The following TRIT1 variants were observed in gnomAD, a reference collection of about 807,000 sequenced individuals.
The protein encoded by TRIT1 is tRNA isopentenyltransferase 1.
TRIT1 carries 43 observed loss-of-function variants against 51.2 expected under a neutral mutation model. The ratio of observed to expected loss-of-function variants is 0.84; its 90% confidence interval spans 0.66 to 1.08. The LOEUF is 1.08. Ranked by LOEUF, TRIT1 falls within the 50% of genes least tolerant of loss-of-function variation. The probability of loss-of-function intolerance (pLI) is 0.00; values close to 1 mark genes in which losing one functional copy is unlikely to be tolerated. For missense variants in TRIT1, 528 were observed against 578.4 expected (o/e 0.91, Z 0.89); for synonymous variants, 184 against 203.9 (o/e 0.90, Z 0.83).
At chr1:39,847,093 T>TA (rs201289596) in intron 8 of TRIT1, 127 bp downstream of exon 8, 14,663 of 673,562 alleles carry the variant, frequency 0.022, 872 homozygotes, top group East Asian at 0.19. Context: ...GTTATAGAAC[T>TA]TCCCTTAGGT....
At chr1:39,874,671 CT>C (rs1174224675) in intron 1 of TRIT1, among the ~76,000 whole-genome samples, 34 of 144,586 alleles carry the variant, frequency 2.4e-4, no homozygotes, top group Admixed American at 3.4e-4. Flanking sequence ...TTTTTCTTTT[CT>C]TTTTTTTTTT....
At chr1:39,867,545 T>C (rs1385900952) in intron 1 of TRIT1, among the ~76,000 whole-genome samples, 1 of 152,184 alleles carries the variant, frequency 6.6e-6, no homozygotes, top group Non-Finnish European at 1.5e-5. Flanking sequence ...ATTGAAACAT[T>C]TTTACATCTA....
Position 39,847,988 on chromosome 1 carries a change from ATTT to A in TRIT1, c.810_812del (p.Glu270_Asn271delinsAsp), listed in dbSNP as rs1642334340. 1 of 1,613,564 alleles carries A rather than the reference ATTT, an allele frequency of 6.2e-7. No individual in the cohort carries two copies. Among genetic ancestry groups the A allele is most frequent in the Non-Finnish European group, 8.5e-7 (1 of 1,179,612 alleles). ...CAGAATAACAGCCAAATCCTCACCTATTTTCCGAAACATTCTTCTGATTATAGC... is the reference window on the plus strand; with the variant it reads ...CAGAATAACAGCCAAATCCTCACCTATCCGAAACATTCTTCTGATTATAGC... On this transcript the variant is annotated inframe_deletion, in exon 6 of 11. Transcript: ENST00000316891.
intron 1 of TRIT1, among the ~76,000 whole-genome samples, chr1:39,858,538 T>C (rs17570439): frequency 0.18 from 27,908 of 152,140 alleles, 2,715 homozygotes; most frequent in Non-Finnish European, 0.22. Context: ...AAGGGCCACA[T>C]TGAGGGTCAC....
At chr1:39,868,620 G>T (rs918066444) in intron 1 of TRIT1, among the ~76,000 whole-genome samples, 1 of 149,488 alleles carries the variant, frequency 6.7e-6, no homozygotes. Context: ...CTCCAGCCTG[G>T]GCGACAAAAG....
chr1:39,857,375 G>T lies in TRIT1; in HGVS notation c.217C>A (p.Gln73Lys). 6.2e-7 allele frequency: 1 copy of T among 1,614,106 alleles called. No homozygotes were observed. Among genetic ancestry groups the T allele is most frequent in the Non-Finnish European group, 8.5e-7 (1 of 1,179,996 alleles). The part of the protein sequence containing the change: ...LDIITNKVSA[Q>K]EQRICRHHMI... ...TGGTGCCGGCAGATTCTCTGCTCTT[G>T]GGCAGAAACCTTGTTGGTGATGATG... is the stretch of plus-strand genomic sequence containing the variant. The change falls in exon 2 of 11, where the codon CAA (glutamine) becomes AAA (lysine). Residue 73 changes from glutamine (Q) to lysine (K), a missense_variant. By Grantham distance (53) the Gln-to-Lys change is moderately conservative. Transcript: ENST00000316891.
In TRIT1 at chr1:39,862,958, G is replaced by A. The variant is rs185828642; in HGVS notation, c.175-5541C>T. The A allele has an allele frequency of 2.1e-4, 208 of 985,372 alleles. 2 individuals are homozygous for A. Among genetic ancestry groups the A allele is most frequent in the Non-Finnish European group, 1.4e-4 (117 of 829,898 alleles). 61.0% of individuals were successfully genotyped at this position (985,372 alleles called of 1,614,324 possible). ...GATCTGTGTGCATGGAAATGATTTG[G>A]AATGAAATGCTTTTCTCTGCACAAA... On this transcript the variant is annotated intron_variant, in intron 1 of 10. Transcript: ENST00000316891.
chr1:39,875,022 A>C (rs1644004228), intron 1 of TRIT1, among the ~76,000 whole-genome samples: 1 of 152,070 alleles, frequency 6.6e-6, no homozygotes, highest in Non-Finnish European at 1.5e-5. Flanking sequence ...TTTTTTTCAT[A>C]GTGCTTCCAA....
At chr1:39,864,346 A>T (rs1469785364) in intron 1 of TRIT1, among the ~76,000 whole-genome samples, 1 of 151,840 alleles carries the variant, frequency 6.6e-6, no homozygotes, top group Non-Finnish European at 1.5e-5. Context: ...GCGGTGGCTC[A>T]TACCTGTAAT....
At chr1:39,873,581 C>T (rs893932384) in intron 1 of TRIT1, among the ~76,000 whole-genome samples, 1 of 152,136 alleles carries the variant, frequency 6.6e-6, no homozygotes, top group African/African-American at 2.4e-5. Flanking sequence ...AAATCCAAGA[C>T]TATAATTTAG....
chr1:39,845,404 A>C (rs1642168058), intron 8 of TRIT1, among the ~76,000 whole-genome samples: 1 of 152,228 alleles, frequency 6.6e-6, no homozygotes, highest in Non-Finnish European at 1.5e-5. Flanking sequence ...GCCTTCCACA[A>C]CTAGGTTAAG....
chr1:39,862,980 C>T (rs552948051), intron 1 of TRIT1: 44 of 984,428 alleles, frequency 4.5e-5, no homozygotes, highest in Non-Finnish European at 4.6e-5. Flanking sequence ...TTTCTCTGCA[C>T]AAACCATATT....
chr1:39,863,967 C>A (rs1447712118), intron 1 of TRIT1, among the ~76,000 whole-genome samples: 1 of 152,044 alleles, frequency 6.6e-6, no homozygotes, highest in Non-Finnish European at 1.5e-5. Flanking sequence ...TCTCAGCTCA[C>A]GGCAACCTCC....
chr1:39,883,325 G>T lies in TRIT1; in HGVS notation c.167C>A (p.Ser56Tyr). 1 of 1,606,888 alleles carries T rather than the reference G, an allele frequency of 6.2e-7. No individual in the cohort carries two copies. Among genetic ancestry groups the T allele is most frequent in the East Asian group, 2.2e-5 (1 of 44,530 alleles). Residue 56 changes from serine (S) to tyrosine (Y), a missense_variant, in exon 1 of 11, where the codon TCC (serine) becomes TAC (tyrosine). This residue lies in a region of TRIT1 where 468 missense variants were observed against 522.6 expected (regional missense o/e 0.90). Transcript: ENST00000316891. ...RLGGEIVSADSMQVYEGLDII... is the reference protein window; with the variant it reads ...RLGGEIVSADYMQVYEGLDII... ...CCAGCCGCACTGCCATACCTGCATG[G>T]AGTCAGCGCTGACGATCTCACCGCC...
chr1:39,857,534 C>G, intron 1 of TRIT1, 117 bp from the exon 2 acceptor site: 1 of 1,161,786 alleles, frequency 8.6e-7, no homozygotes, highest in South Asian at 1.5e-5. Flanking sequence ...TGACCCAAAG[C>G]ACCAGGGTAG....
intron 1 of TRIT1, among the ~76,000 whole-genome samples, chr1:39,860,207 T>C (rs963678216): frequency 1.3e-5 from 2 of 152,214 alleles, no homozygotes; most frequent in African/African-American, 4.8e-5. Context: ...CTGTAACTCA[T>C]AAAAGTACTA....
chr1:39,877,522 C>T (rs1397356813), intron 1 of TRIT1, among the ~76,000 whole-genome samples: 2 of 152,088 alleles, frequency 1.3e-5, no homozygotes, highest in Admixed American at 6.6e-5. Context: ...AAAACTGAGG[C>T]ATTAGAGACA....
intron 6 of TRIT1, 70 bp from the exon 7 acceptor site, chr1:39,847,730 C>T: frequency 1.2e-6 from 2 of 1,605,550 alleles, no homozygotes; most frequent in South Asian, 1.1e-5. Flanking sequence ...GGAGATGGAC[C>T]TAGTTGAGCC....
At chr1:39,863,032 G>A (rs1173938639) in intron 1 of TRIT1, 1 of 772,534 alleles carries the variant, frequency 1.3e-6, no homozygotes, top group Non-Finnish European at 1.6e-6. Context: ...AAGGCCTGAT[G>A]ACTGAAATAT....
Sources: gnomAD v4.1 joint callset for allele counts (sites outside exome capture counted in the v4.1 genomes callset) on GRCh38, gnomAD v4.1.1 for gene constraint, gnomAD v4.1.1 regional missense constraint, MANE v1.5 for transcripts, NCBI Gene and HGNC (gene_info 2026-07-23, HGNC 2026-07-21) for gene names.